The following VPS35L variants were observed in gnomAD, a reference collection of about 807,000 sequenced individuals.
VPS35L encodes VPS35 endosomal protein sorting factor like.
A neutral mutation model predicts 133.0 loss-of-function variants in VPS35L; 83 were observed. The observed-to-expected ratio is 0.62, with a 90% CI of 0.52 to 0.75. VPS35L has a LOEUF of 0.75. VPS35L is among the 30% of genes least tolerant of loss of function. The probability of loss-of-function intolerance (pLI) is 0.00; values close to 1 mark genes in which losing one functional copy is unlikely to be tolerated. For synonymous variants in VPS35L, 423 were observed against 449.9 expected (o/e 0.94, Z 0.76); for missense variants, 1,083 against 1,206.8 (o/e 0.90, Z 1.52).
At chr16:19,592,823 T>C (rs932257233) in intron 8 of VPS35L, among the ~76,000 whole-genome samples, 7 of 151,928 alleles carry the variant, frequency 4.6e-5, no homozygotes, top group African/African-American at 7.3e-5. Flanking sequence ...GTAGCTGGGA[T>C]TACAGGCACG....
At chr16:19,669,339 T>C in intron 27 of VPS35L, 40 bp downstream of exon 27, 2 of 1,576,008 alleles carry the variant, frequency 1.3e-6, no homozygotes, top group Non-Finnish European at 1.7e-6. Flanking sequence ...TGTCTTCCTT[T>C]CACCTGCCTT....
intron 5 of VPS35L, among the ~76,000 whole-genome samples, chr16:19,576,211 G>A (rs901416338): frequency 8.0e-5 from 12 of 150,572 alleles, no homozygotes; most frequent in African/African-American, 2.9e-4. Flanking sequence ...GTTACTAGGA[G>A]TAAAACGTAA....
chr16:19,652,241 AT>A, intron 26 of VPS35L, 151 bp downstream of exon 26: 1 of 626,910 alleles, frequency 1.6e-6, no homozygotes. Flanking sequence ...TAGTAGTGCA[AT>A]CATAGTTTCC....
chr16:19,573,456 A>G, intron 4 of VPS35L: 1 of 464,322 alleles, frequency 2.2e-6, no homozygotes, highest in Non-Finnish European at 3.8e-6. Flanking sequence ...GTTAAGGATC[A>G]GGGATGTGGC....
intron 28 of VPS35L, among the ~76,000 whole-genome samples, chr16:19,690,447 G>C (rs558044698): frequency 6.6e-6 from 1 of 152,312 alleles, no homozygotes; most frequent in East Asian, 1.9e-4. Flanking sequence ...AGGAGCTTTT[G>C]GCAAGAGACA....
chr16:19,691,573 T>A, intron 29 of VPS35L, 102 bp downstream of exon 29: 1 of 859,924 alleles, frequency 1.2e-6, no homozygotes, highest in South Asian at 1.5e-5. Context: ...CTATGTCATG[T>A]GAGTAATGTG....
intron 2 of VPS35L, among the ~76,000 whole-genome samples, chr16:19,568,092 A>G (rs753047933): frequency 4.6e-5 from 7 of 152,176 alleles, no homozygotes; most frequent in Admixed American, 1.3e-4. Flanking sequence ...AACTAGGGAA[A>G]CATTTACTTA....
intron 2 of VPS35L, chr16:19,569,168 T>C (rs62026186): frequency 0.41 from 263,987 of 640,516 alleles, 63,736 homozygotes; most frequent in Non-Finnish European, 0.52. Context: ...GCTGTAGCCA[T>C]CTCAGTCCAG....
intron 14 of VPS35L, among the ~76,000 whole-genome samples, chr16:19,624,594 A>AAAAC (rs1161153185): frequency 5.3e-5 from 8 of 151,634 alleles, no homozygotes; most frequent in African/African-American, 7.3e-5. Flanking sequence ...TCTGTCTCAA[A>AAAAC]AAACAAACAA....
At position 19,628,761 on chromosome 16, in the gene VPS35L, G is replaced by T; in HGVS notation, c.1500+8G>T. On this transcript the variant is annotated splice_region_variant and intron_variant, in intron 17 of 30. Transcript: ENST00000417362. ...AAGCTGAAGAACCCACAGGTGAGTG[G>T]CCATTTTATTTTTATTTTTATTTAT... The T allele has an allele frequency of 8.3e-7, 1 of 1,203,920 alleles. No homozygotes were observed. The highest frequency in any genetic ancestry group is 1.1e-6 in the Non-Finnish European group (1 of 895,548). The allele number at this position is 1,203,920 out of a possible 1,614,324, so 74.6% of individuals were successfully genotyped here. A position where few individuals can be genotyped will look rare whatever the true frequency, so the allele number is the denominator to read the frequency against.
At chr16:19,622,081 G>A (rs1973100041) in intron 14 of VPS35L, among the ~76,000 whole-genome samples, 1 of 151,514 alleles carries the variant, frequency 6.6e-6, no homozygotes, top group Admixed American at 6.6e-5. Flanking sequence ...TGGAACAGTG[G>A]CTGGTATAGT....
At chr16:19,653,354 T>C (rs1477727335) in intron 26 of VPS35L, among the ~76,000 whole-genome samples, 1 of 152,122 alleles carries the variant, frequency 6.6e-6, no homozygotes, top group Non-Finnish European at 1.5e-5. Context: ...TTACGCGACA[T>C]TTATGGAGTG....
chr16:19,583,466 A>C (rs1971769693), intron 7 of VPS35L, among the ~76,000 whole-genome samples: 1 of 152,198 alleles, frequency 6.6e-6, no homozygotes, highest in African/African-American at 2.4e-5. Context: ...TCCCGTGTGT[A>C]ATGATCAAAT....
intron 6 of VPS35L, chr16:19,579,374 T>A: frequency 2.2e-6 from 1 of 447,508 alleles, no homozygotes; most frequent in Non-Finnish European, 4.0e-6. Flanking sequence ...CAAGGCTGGG[T>A]CGCCTAGCAA....
At chr16:19,563,253 TGAGCTCAG>T (rs774422883) in intron 1 of VPS35L, among the ~76,000 whole-genome samples, 64 of 151,348 alleles carry the variant, frequency 4.2e-4, no homozygotes, top group Non-Finnish European at 8.7e-4. Flanking sequence ...GAGGATCACT[TGAGCTCAG>T]GAGTTTAAGA....
rs1973533971 is a variant in VPS35L, at chr16:19,633,778, C to G, written c.1635+606C>G. On this transcript the variant is annotated intron_variant, in intron 19 of 30. Coordinates refer to ENST00000417362, the MANE Select transcript of VPS35L (RefSeq NM_020314.7). The surrounding 1 kb of genome is among the most constrained non-coding windows in gnomAD (Gnocchi z 4.1). ...TTTGAGACGGAGTCTTGCTCTGTTG[C>G]CCAGGCTGGAGTGCAGTGGTGCGAT... Among the ~76,000 whole-genome samples, 1 of 151,984 alleles carries G rather than the reference C, an allele frequency of 6.6e-6. No individual in the cohort carries two copies. The highest frequency in any genetic ancestry group is 1.5e-5 in the Non-Finnish European group (1 of 68,010).
At chr16:19,680,639 C>T (rs1295207754) in intron 27 of VPS35L, among the ~76,000 whole-genome samples, 2 of 152,134 alleles carry the variant, frequency 1.3e-5, no homozygotes, top group East Asian at 1.9e-4. Context: ...AGGCTGGGCG[C>T]GGTGGCTCAT....
chr16:19,691,105 CCCG>C lies in VPS35L; in HGVS notation c.2528-245_2528-243del, dbSNP rs1337537328. 9.8e-5 allele frequency among the ~76,000 whole-genome samples: 15 copies of C among 152,350 alleles called. No homozygotes were observed. In the East Asian group the frequency reaches 2.7e-3, roughly 27 times the overall value. On this transcript the variant is annotated intron_variant, in intron 28 of 30. Coordinates refer to ENST00000417362, the MANE Select transcript of VPS35L (RefSeq NM_020314.7). ...ATTATTATTAATGTCACCCCCGCTC[CCCG>C]CCACGCACACATGGGCTAGAGGGGT...
Position 19,570,875 on chromosome 16 carries a change from A to ATTT in VPS35L, c.285+1285_285+1286insTTT, listed in dbSNP as rs1567388756. Among the ~76,000 whole-genome samples, 78 of 45,804 alleles carry ATTT rather than the reference A, an allele frequency of 1.7e-3. 1 individual carries two copies. Among genetic ancestry groups the ATTT allele is most frequent in the African/African-American group, 9.2e-3 (70 of 7,598 alleles). 30.0% of individuals were successfully genotyped at this position (45,804 alleles called of 152,430 possible). On this transcript the variant is annotated intron_variant, in intron 3 of 30. Transcript: ENST00000417362. Reference sequence around the variant, plus strand: ...TATATATATATATATATATATATATATATATATATATATATTTTTGAGATG... The same window carrying ATTT: ...TATATATATATATATATATATATATATTTTATATATATATATATTTTTGAGATG...
Sources: allele counts gnomAD v4.1 joint callset (sites outside exome capture counted in the v4.1 genomes callset), GRCh38; gene constraint gnomAD v4.1.1; non-coding constraint Gnocchi (gnomAD v3.1); transcripts MANE v1.5; gene names NCBI Gene and HGNC (gene_info 2026-07-23, HGNC 2026-07-21).